CPXM2: variants seen among roughly 807,000 people sequenced by gnomAD.
The protein encoded by CPXM2 is carboxypeptidase X, M14 family member 2.
A neutral mutation model predicts 86.1 loss-of-function variants in CPXM2; 66 were observed. The ratio of observed to expected loss-of-function variants is 0.77; its 90% CI spans 0.63 to 0.94. The LOEUF (loss-of-function observed/expected upper bound fraction) is 0.94. Among genes scored for constraint, CPXM2 ranks in the 40% least tolerant of loss-of-function variants. The pLI is 0.00. For synonymous variants in CPXM2, 388 were observed against 400.2 expected (o/e 0.97, Z 0.36); for missense variants, 948 against 1,026.3 (o/e 0.92, Z 1.04).
chr10:123,749,993 T>TTC (rs1846040652), intron 13 of CPXM2: 1 of 365,512 alleles, frequency 2.7e-6, no homozygotes, highest in East Asian at 1.6e-4. Context: ...TTTTTTTTTT[T>TTC]TTTTTTAGTA....
intron 2 of CPXM2, among the ~76,000 whole-genome samples, chr10:123,933,423 A>C (rs1590129095): frequency 6.6e-6 from 1 of 152,194 alleles, no homozygotes; most frequent in East Asian, 1.9e-4. Context: ...TTTGAACTTT[A>C]AGAATCAAAA....
At chr10:123,764,035 G>A (rs995586535) in intron 10 of CPXM2, among the ~76,000 whole-genome samples, 9 of 152,106 alleles carry the variant, frequency 5.9e-5, no homozygotes, top group African/African-American at 1.4e-4. Flanking sequence ...TCTCATCTGC[G>A]TTTCCTTAGT....
At chr10:123,942,761 C>T (rs532428053), upstream of CPXM2, among the ~76,000 whole-genome samples, 12 of 152,322 alleles carry the variant, frequency 7.9e-5, no homozygotes, top group South Asian at 2.5e-3. Flanking sequence ...CCTTACTTCT[C>T]TATAAAGTTG....
chr10:123,828,720 T>A (rs1485086674), intron 4 of CPXM2, among the ~76,000 whole-genome samples: 1 of 152,044 alleles, frequency 6.6e-6, no homozygotes, highest in African/African-American at 2.4e-5. Context: ...AAAAATTAAC[T>A]CAAAATGGAT....
chr10:123,917,020 G>T (rs905406204), intron 2 of CPXM2, among the ~76,000 whole-genome samples: 1 of 152,112 alleles, frequency 6.6e-6, no homozygotes, highest in Non-Finnish European at 1.5e-5. Context: ...GAGATGGGGG[G>T]CAGAGGGGAA....
At chr10:123,854,087 C>T (rs774130095) in intron 3 of CPXM2, among the ~76,000 whole-genome samples, 14 of 151,542 alleles carry the variant, frequency 9.2e-5, no homozygotes, top group Non-Finnish European at 2.1e-4. Flanking sequence ...CTCCAGGAGA[C>T]GGTCATCTGA....
Position 123,767,170 on chromosome 10 carries a change from T to C in CPXM2, c.1300-18A>G, listed in dbSNP as rs1332915979. The C allele has an allele frequency of 1.9e-6, 3 of 1,611,616 alleles. No homozygotes were observed. In the Admixed American group the frequency reaches 5.0e-5, roughly 27 times the overall value. ...TCCGAGCCCTGGAGACAAGTGAGAGTGTGAAGAATGCACAGGCTGCAGGAC... is the reference window on the plus strand; with the variant it reads ...TCCGAGCCCTGGAGACAAGTGAGAGCGTGAAGAATGCACAGGCTGCAGGAC... On this transcript the variant is annotated intron_variant, in intron 9 of 13. Transcript: ENST00000241305.
At chr10:123,817,110 G>A (rs1191689898) in intron 4 of CPXM2, among the ~76,000 whole-genome samples, 2 of 152,180 alleles carry the variant, frequency 1.3e-5, no homozygotes, top group Non-Finnish European at 2.9e-5. Flanking sequence ...ATGCCTAGTG[G>A]GCCTATCTGA....
intron 4 of CPXM2, among the ~76,000 whole-genome samples, chr10:123,814,692 G>A (rs1173231742): frequency 6.6e-6 from 1 of 152,130 alleles, no homozygotes; most frequent in Non-Finnish European, 1.5e-5. Context: ...TAATAGTATG[G>A]ACAACACTGA....
At chr10:123,823,642 GAGAC>G (rs1232078817) in intron 4 of CPXM2, among the ~76,000 whole-genome samples, 1 of 152,078 alleles carries the variant, frequency 6.6e-6, no homozygotes, top group Non-Finnish European at 1.5e-5. Flanking sequence ...AAAATAAAGA[GAGAC>G]AGAGATAGAG....
intron 11 of CPXM2, among the ~76,000 whole-genome samples, chr10:123,758,369 C>T (rs1564752230): frequency 1.3e-5 from 2 of 152,144 alleles, no homozygotes; most frequent in South Asian, 4.2e-4. Flanking sequence ...CTTCTGGGGG[C>T]CCCCTGGCAT....
chr10:123,750,235 G>A (rs1377994366), intron 13 of CPXM2: 3 of 985,236 alleles, frequency 3.0e-6, no homozygotes, highest in African/African-American at 1.7e-5. Flanking sequence ...ACAAGCAGGT[G>A]GAGACAGTGT....
intron 4 of CPXM2, among the ~76,000 whole-genome samples, chr10:123,816,483 TC>T (rs1268037562): frequency 6.6e-6 from 1 of 152,212 alleles, no homozygotes; most frequent in Admixed American, 6.5e-5. Context: ...GGTAGTGATT[TC>T]CACCACATCC....
intron 4 of CPXM2, among the ~76,000 whole-genome samples, chr10:123,830,866 CTCTCTCTGTGTG>C (rs1304718096): frequency 2.0e-5 from 2 of 97,828 alleles, no homozygotes; most frequent in African/African-American, 7.8e-5. Context: ...CTCTCTCTCT[CTCTCTCTGTGTG>C]TGTGTGTGTG....
At chr10:123,870,301 T>C (rs1944870693) in intron 2 of CPXM2, among the ~76,000 whole-genome samples, 1 of 152,032 alleles carries the variant, frequency 6.6e-6, no homozygotes, top group African/African-American at 2.4e-5. Context: ...GTGTTTGGGG[T>C]CACACCAGGA....
intron 3 of CPXM2, among the ~76,000 whole-genome samples, chr10:123,859,643 G>A (rs149927251): frequency 3.3e-5 from 5 of 152,312 alleles, no homozygotes; most frequent in Admixed American, 2.6e-4. Context: ...GAGCAGGTAC[G>A]GAGACTTTCC....
chr10:123,891,999 A>AGGCC (rs1945285728), upstream of CPXM2: 1 of 151,680 alleles, frequency 6.6e-6, no homozygotes, highest in Non-Finnish European at 1.5e-5. The surrounding 1 kb of genome is among the most constrained non-coding windows in gnomAD (Gnocchi z 5.6). Flanking sequence ...CCTCCCCCGC[A>AGGCC]GGCCAGCCAG....
At chr10:123,930,767 A>G (rs781294403) in intron 2 of CPXM2, among the ~76,000 whole-genome samples, 5 of 152,266 alleles carry the variant, frequency 3.3e-5, no homozygotes, top group Non-Finnish European at 7.3e-5. Flanking sequence ...TGCTGAAAGA[A>G]TGCTCCAAAG....
chr10:123,925,207 T>G (rs9794067), intron 2 of CPXM2, among the ~76,000 whole-genome samples: 1 of 151,798 alleles, frequency 6.6e-6, no homozygotes, highest in Non-Finnish European at 1.5e-5. Context: ...TTTCCACTGT[T>G]TTACATGTTT....
Sources: gnomAD v4.1 joint callset for allele counts (sites outside exome capture counted in the v4.1 genomes callset) on GRCh38, gnomAD v4.1.1 for gene constraint, Gnocchi (gnomAD v3.1) non-coding constraint, MANE v1.5 for transcripts, NCBI Gene and HGNC (gene_info 2026-07-23, HGNC 2026-07-21) for gene names.